The following ISM1 variants were observed in gnomAD, a reference collection of about 807,000 sequenced individuals.
The protein encoded by ISM1 is isthmin 1, also known as isthmin-1.
ISM1 carries 25 observed loss-of-function variants against 46.3 expected under a neutral mutation model. The observed-to-expected ratio is 0.54, with a 90% CI of 0.39 to 0.75. The LOEUF (loss-of-function observed/expected upper bound fraction) is 0.75. Among genes scored for constraint, ISM1 ranks in the 30% least tolerant of loss-of-function variants. The pLI, the probability that ISM1 is intolerant of heterozygous loss-of-function variation, is 0.00. For synonymous variants in ISM1, 255 were observed against 256.7 expected, an observed-to-expected ratio of 0.99 and a Z score of 0.06; for missense variants, 536 against 625.4, an observed-to-expected ratio of 0.86 and a Z score of 1.52.
chr20:13,299,441 A>C lies in ISM1; in HGVS notation c.1377A>C (p.Gln459His), dbSNP rs766091417. ...ACGAGGACTACATCAAGCAGTTCCAAGAGGCCAGGGAATATTAAAGAGACT... is the reference window on the plus strand; with the variant it reads ...ACGAGGACTACATCAAGCAGTTCCACGAGGCCAGGGAATATTAAAGAGACT... ...PSDEDYIKQF[Q>H]EAREY Residue 459 changes from glutamine (Q) to histidine (H), a missense_variant, in exon 6 of 6, where the codon CAA (glutamine) becomes CAC (histidine). Transcript: ENST00000262487. The surrounding 1 kb of genome is among the most constrained non-coding windows in gnomAD (Gnocchi z 5.8). 4.8e-5 allele frequency: 77 copies of C among 1,603,634 alleles called. No homozygotes were observed. Among genetic ancestry groups the C allele is most frequent in the Non-Finnish European group, 6.2e-5 (73 of 1,177,258 alleles).
intron 1 of ISM1, among the ~76,000 whole-genome samples, chr20:13,242,469 G>A (rs1425049557): frequency 2.0e-5 from 3 of 152,172 alleles, no homozygotes; most frequent in Non-Finnish European, 4.4e-5. Context: ...CAGAGAAGTG[G>A]AAAATGAGAG....
At chr20:13,235,438 C>T (rs1289444679) in intron 1 of ISM1, among the ~76,000 whole-genome samples, 2 of 152,140 alleles carry the variant, frequency 1.3e-5, no homozygotes, top group Non-Finnish European at 2.9e-5. Context: ...TTCTCTACAT[C>T]TCTGTGTCCC....
chr20:13,283,694 A>G (rs980222856), intron 3 of ISM1, among the ~76,000 whole-genome samples: 2 of 152,202 alleles, frequency 1.3e-5, no homozygotes, highest in African/African-American at 4.8e-5. Context: ...GAGAGTTCCA[A>G]ATAAATATGT....
chr20:13,281,998 C>A (rs1017769829), intron 3 of ISM1, among the ~76,000 whole-genome samples: 3 of 152,176 alleles, frequency 2.0e-5, no homozygotes, highest in African/African-American at 4.8e-5. Flanking sequence ...ATGTTTCAAG[C>A]CTGACTCCAG....
intron 3 of ISM1, among the ~76,000 whole-genome samples, chr20:13,283,022 T>C (rs1450014572): frequency 6.6e-6 from 1 of 152,182 alleles, no homozygotes; most frequent in Non-Finnish European, 1.5e-5. Flanking sequence ...AGAATTCCCC[T>C]TTTCTTTCTG....
intron 2 of ISM1, among the ~76,000 whole-genome samples, chr20:13,275,269 T>C (rs567000288): frequency 1.3e-5 from 2 of 152,356 alleles, no homozygotes; most frequent in South Asian, 4.1e-4. Flanking sequence ...CACAGGCCTC[T>C]TGAGCGCCAC....
intron 1 of ISM1, among the ~76,000 whole-genome samples, chr20:13,249,584 C>T (rs555129174): frequency 9.8e-5 from 15 of 152,326 alleles, no homozygotes; most frequent in South Asian, 6.2e-4. Flanking sequence ...AAGGAAACCC[C>T]GCCAGGCTCT....
Position 13,299,534 on chromosome 20 carries a change from C to T in ISM1, c.*75C>T, listed in dbSNP as rs2040440083. On this transcript the variant is annotated 3_prime_UTR_variant, in exon 6 of 6. Coordinates refer to ENST00000262487, the MANE Select transcript of ISM1 (RefSeq NM_080826.2). This position sits in a 1 kb window ranked among gnomAD's most constrained non-coding sequence, Gnocchi z 5.8. ...CGTGCTGCACTGACGTGCCGACTGGCGCCGAGACCTTCATAGCTGCGGTCG... is the reference window on the plus strand; with the variant it reads ...CGTGCTGCACTGACGTGCCGACTGGTGCCGAGACCTTCATAGCTGCGGTCG... 1.6e-5 allele frequency: 22 copies of T among 1,339,496 alleles called. No homozygotes were observed. In the East Asian group the frequency reaches 4.2e-4, roughly 25 times the overall value. The allele number at this position is 1,339,496 out of a possible 1,614,324, so 83.0% of individuals were successfully genotyped here.
chr20:13,229,909 C>T (rs899861866), intron 1 of ISM1, among the ~76,000 whole-genome samples: 1 of 152,168 alleles, frequency 6.6e-6, no homozygotes, highest in Admixed American at 6.5e-5. Context: ...TCTACCTCCT[C>T]CATAGAATTA....
At chr20:13,223,192 T>TA (rs775917447) in intron 1 of ISM1, among the ~76,000 whole-genome samples, 39 of 148,612 alleles carry the variant, frequency 2.6e-4, no homozygotes, top group South Asian at 1.1e-3. Context: ...TAAAATAAAA[T>TA]AAATAAATAA....
At chr20:13,260,874 C>A (rs932354534) in intron 1 of ISM1, among the ~76,000 whole-genome samples, 1 of 152,134 alleles carries the variant, frequency 6.6e-6, no homozygotes, top group African/African-American at 2.4e-5. Context: ...GCTCTCATAG[C>A]CTGGGGAGGC....
intron 2 of ISM1, 98 bp downstream of exon 2, chr20:13,270,841 T>G: frequency 1.8e-6 from 2 of 1,138,398 alleles, no homozygotes; most frequent in Non-Finnish European, 1.3e-6. Flanking sequence ...TCACTTTTCT[T>G]CTTAACCCCT....
intron 1 of ISM1, among the ~76,000 whole-genome samples, chr20:13,246,925 C>G (rs537431695): frequency 6.6e-6 from 1 of 151,586 alleles, no homozygotes; most frequent in Non-Finnish European, 1.5e-5. Context: ...GGGAGCAAGA[C>G]AGAGATTTAA....
downstream of ISM1, among the ~76,000 whole-genome samples, chr20:13,301,947 A>T (rs1456017957): frequency 6.6e-6 from 1 of 152,194 alleles, no homozygotes; most frequent in Non-Finnish European, 1.5e-5. Flanking sequence ...AAGGAGTGGG[A>T]TTTTATAAAG....
intron 1 of ISM1, among the ~76,000 whole-genome samples, chr20:13,247,257 G>A (rs1478050887): frequency 6.6e-6 from 1 of 152,126 alleles, no homozygotes; most frequent in African/African-American, 2.4e-5. Flanking sequence ...AAGAGATTTA[G>A]AGACAGAAAG....
At chr20:13,318,616 T>C in the ISM1 span, among the ~76,000 whole-genome samples, 3 of 152,246 alleles carry the variant, frequency 2.0e-5, no homozygotes, top group Admixed American at 6.5e-5. Context: ...AGGGATAAAC[T>C]ATATCTTATT....
chr20:13,286,077 A>C (rs2040288821), intron 3 of ISM1, among the ~76,000 whole-genome samples: 12 of 152,146 alleles, frequency 7.9e-5, no homozygotes. Context: ...TGACTTACTC[A>C]TTCCCCCTTT....
downstream of ISM1, among the ~76,000 whole-genome samples, chr20:13,305,193 A>G (rs1335268767): frequency 6.6e-5 from 6 of 90,684 alleles, no homozygotes; most frequent in Admixed American, 5.4e-4. Flanking sequence ...AATACCGTTG[A>G]GTTGTTAAAA....
chr20:13,324,491 T>C, the ISM1 span, among the ~76,000 whole-genome samples: 1 of 152,200 alleles, frequency 6.6e-6, no homozygotes, highest in Non-Finnish European at 1.5e-5. Context: ...TTTACATCCT[T>C]ACTTCTCACT....
Sources: allele counts gnomAD v4.1 joint callset (sites outside exome capture counted in the v4.1 genomes callset), GRCh38; gene constraint gnomAD v4.1.1; non-coding constraint Gnocchi (gnomAD v3.1); transcripts MANE v1.5; gene names NCBI Gene and HGNC (gene_info 2026-07-23, HGNC 2026-07-21).